The following SLC2A13 variants were observed in gnomAD, a reference collection of about 807,000 sequenced individuals.
SLC2A13 encodes solute carrier family 2 member 13, also known as proton myo-inositol cotransporter.
Under a neutral mutation model 64.4 loss-of-function variants are expected in SLC2A13, and 32 were observed. The ratio of observed to expected loss-of-function variants is 0.50; its 90% CI spans 0.37 to 0.67. The LOEUF is 0.67. SLC2A13 is among the 30% of genes least tolerant of loss of function. The pLI is 0.00. For missense variants in SLC2A13, 743 were observed against 829.2 expected (o/e 0.90, Z 1.28); for synonymous variants, 338 against 327.1 (o/e 1.03, Z -0.36).
intron 6 of SLC2A13, among the ~76,000 whole-genome samples, chr12:39,840,029 T>TTTTG: frequency 6.6e-6 from 1 of 151,986 alleles, no homozygotes; most frequent in Non-Finnish European, 1.5e-5. Context: ...CCATTCTTTT[T>TTTTG]TTTTGTTTTG....
intron 6 of SLC2A13, among the ~76,000 whole-genome samples, chr12:39,831,904 A>G (rs2135851674): frequency 6.6e-6 from 1 of 152,298 alleles, no homozygotes; most frequent in Admixed American, 6.5e-5. Context: ...CGATGAGCCA[A>G]TTAATCCTCT....
At chr12:40,062,746 T>A (rs922833348) in intron 1 of SLC2A13, among the ~76,000 whole-genome samples, 1 of 152,066 alleles carries the variant, frequency 6.6e-6, no homozygotes. Flanking sequence ...TAGGAGAAAA[T>A]TTTCCTCAAA....
chr12:40,105,546 G>C lies in SLC2A13; in HGVS notation c.263C>G (p.Ser88Cys). 1 of 1,578,652 alleles carries C rather than the reference G, an allele frequency of 6.3e-7. No individual in the cohort carries two copies. The highest frequency in any genetic ancestry group is 2.4e-5 in the East Asian group (1 of 42,158). ...GCCAAACAGGAAGCCGCCCAGCGCG[G>C]AGAAGACGGCCACCACGTACACGAA... ...PAFVYVVAVF[S>C]ALGGFLFGYD... The change falls in exon 1 of 10, where the codon TCC becomes TGC. Residue 88 changes from serine to cysteine, a missense_variant. This residue lies in a region of SLC2A13 where 448 missense variants were observed against 447.4 expected (regional missense o/e 1.00). Coordinates refer to ENST00000280871, the MANE Select transcript of SLC2A13 (RefSeq NM_052885.4). This position sits in a 1 kb window ranked among gnomAD's most constrained non-coding sequence, Gnocchi z 4.2.
chr12:39,995,845 C>A (rs571455450), intron 3 of SLC2A13, among the ~76,000 whole-genome samples: 3 of 152,172 alleles, frequency 2.0e-5, no homozygotes, highest in African/African-American at 7.2e-5. Context: ...CACAAGCTGC[C>A]GCTCTTTGCC....
intron 3 of SLC2A13, among the ~76,000 whole-genome samples, chr12:40,006,969 C>T (rs925943416): frequency 2.0e-5 from 3 of 152,188 alleles, no homozygotes; most frequent in African/African-American, 7.2e-5. Flanking sequence ...TCTGATTCTT[C>T]CAGTTTCCAG....
Position 39,983,023 on chromosome 12 carries a change from G to A in SLC2A13, c.926-31658C>T, listed in dbSNP as rs374448022. On this transcript the variant is annotated intron_variant, in intron 3 of 9. Coordinates refer to ENST00000280871, the MANE Select transcript of SLC2A13 (RefSeq NM_052885.4). Reference sequence around the variant, plus strand: ...GAACAGAGCCCTCAGAAATAACGCCGCATACCTACAACTATCTGATCTTTG... The same window carrying A: ...GAACAGAGCCCTCAGAAATAACGCCACATACCTACAACTATCTGATCTTTG... 1.1e-3 allele frequency among the ~76,000 whole-genome samples: 166 copies of A among 147,250 alleles called. No homozygotes were observed. The East Asian group carries it at 0.013, about 12-fold the overall frequency.
intron 1 of SLC2A13, among the ~76,000 whole-genome samples, chr12:40,061,851 A>G (rs1223820574): frequency 6.6e-6 from 1 of 152,104 alleles, no homozygotes; most frequent in African/African-American, 2.4e-5. Flanking sequence ...CCTTGCTGGA[A>G]GGACAATGGG....
At chr12:39,805,172 G>A (rs952171662) in intron 7 of SLC2A13, among the ~76,000 whole-genome samples, 24 of 150,178 alleles carry the variant, frequency 1.6e-4, no homozygotes, top group African/African-American at 5.9e-4. Context: ...TGTGTTGGAC[G>A]TGGCCAGAAT....
At chr12:39,829,835 T>C (rs1420822836) in intron 7 of SLC2A13, 10 of 408,682 alleles carry the variant, frequency 2.4e-5, no homozygotes, top group Non-Finnish European at 4.1e-5. Context: ...TATTTGTGAA[T>C]AGCTGCCTAA....
At position 39,951,372 on chromosome 12, in the gene SLC2A13, T is replaced by G; in HGVS notation, c.926-7A>C. 6.6e-7 allele frequency: 1 copy of G among 1,507,616 alleles called. No homozygotes were observed. The highest frequency in any genetic ancestry group is 8.8e-7 in the Non-Finnish European group (1 of 1,131,292). The allele number at this position is 1,507,616 out of a possible 1,614,324, so 93.4% of individuals were successfully genotyped here. ...CTGCAGATCACAGGTCCAGCTTTTT[T>G]AAGAAAGAAAGAAAAAAAAAATACA... On this transcript the variant is annotated splice_region_variant and splice_polypyrimidine_tract_variant and intron_variant, in intron 3 of 9. Coordinates refer to ENST00000280871, the MANE Select transcript of SLC2A13 (RefSeq NM_052885.4).
At chr12:40,056,925 A>G (rs1948341257) in intron 1 of SLC2A13, among the ~76,000 whole-genome samples, 1 of 152,168 alleles carries the variant, frequency 6.6e-6, no homozygotes, top group Admixed American at 6.6e-5. Context: ...GCTTGCAGTG[A>G]GTCGAGATCG....
intron 4 of SLC2A13, among the ~76,000 whole-genome samples, chr12:39,888,375 G>A (rs1944521253): frequency 6.6e-6 from 1 of 152,064 alleles, no homozygotes. Context: ...CAGGTGCATG[G>A]CACCACACCC....
intron 7 of SLC2A13, among the ~76,000 whole-genome samples, chr12:39,807,200 G>A (rs1294682822): frequency 2.6e-5 from 4 of 152,216 alleles, no homozygotes. Context: ...TAAGGACAGG[G>A]CCACGTAGGA....
At chr12:39,993,780 C>T (rs999131384) in intron 3 of SLC2A13, among the ~76,000 whole-genome samples, 1 of 152,184 alleles carries the variant, frequency 6.6e-6, no homozygotes, top group African/African-American at 2.4e-5. Flanking sequence ...TCTTTGCATT[C>T]ATCTGTAGAA....
intron 3 of SLC2A13, among the ~76,000 whole-genome samples, chr12:39,990,270 T>C (rs1947110929): frequency 6.6e-6 from 1 of 152,188 alleles, no homozygotes. Flanking sequence ...AATGTCTCTA[T>C]CTCTTCACAA....
intron 7 of SLC2A13, among the ~76,000 whole-genome samples, chr12:39,813,884 C>A (rs1410542998): frequency 6.6e-6 from 1 of 152,194 alleles, no homozygotes; most frequent in Non-Finnish European, 1.5e-5. Context: ...CCATTTTACG[C>A]TGAAGAATGT....
At chr12:40,049,831 CTGA>C (rs1422692461) in intron 1 of SLC2A13, among the ~76,000 whole-genome samples, 1 of 152,016 alleles carries the variant, frequency 6.6e-6, no homozygotes, top group Non-Finnish European at 1.5e-5. Context: ...TGCATAACTA[CTGA>C]TAAGTAGTTA....
chr12:39,978,312 C>A (rs192357064), intron 3 of SLC2A13, among the ~76,000 whole-genome samples: 1 of 152,136 alleles, frequency 6.6e-6, no homozygotes, highest in Non-Finnish European at 1.5e-5. Context: ...AAGTGCTTGA[C>A]TCTCGAGCCA....
At chr12:39,906,136 GA>G (rs1565535310) in intron 4 of SLC2A13, among the ~76,000 whole-genome samples, 1 of 1,296 alleles carries the variant, frequency 7.7e-4, no homozygotes, top group African/African-American at 1.7e-3. Flanking sequence ...ACAGAACTTT[GA>G]ACTTTGTTTT....
Sources: gnomAD v4.1 joint callset for allele counts (sites outside exome capture counted in the v4.1 genomes callset) on GRCh38, gnomAD v4.1.1 for gene constraint, gnomAD v4.1.1 regional missense constraint, Gnocchi (gnomAD v3.1) non-coding constraint, MANE v1.5 for transcripts, NCBI Gene and HGNC (gene_info 2026-07-23, HGNC 2026-07-21) for gene names.